MCHR2: variants seen among roughly 807,000 people sequenced by gnomAD.
MCHR2 encodes the protein melanin concentrating hormone receptor 2.
In MCHR2, 15 loss-of-function variants were observed where a neutral mutation model predicts 24.8. The observed-to-expected ratio is 0.60, with a 90% CI of 0.40 to 0.93. The LOEUF is 0.93. MCHR2 is among the 40% of genes least tolerant of loss of function. MCHR2 has a pLI of 0.00. For synonymous variants in MCHR2, 151 were observed against 147.6 expected, an observed-to-expected ratio of 1.02 and a Z score of -0.17; for missense variants, 386 against 408.7, an observed-to-expected ratio of 0.94 and a Z score of 0.48.
rs541808130 is a variant in MCHR2 at position 99,984,366 on chromosome 6, A to C, written c.-28+9570T>G. On this transcript the variant is annotated intron_variant, in intron 1 of 5. Coordinates refer to ENST00000281806, the MANE Select transcript of MCHR2 (RefSeq NM_001040179.2). ...TGCTGGTGTGCTGCACCCATTAACT[A>C]GTCATTTAGCATTAGGTATATCTCC... 1.2e-4 allele frequency among the ~76,000 whole-genome samples: 18 copies of C among 152,008 alleles called. 1 individual carries two copies. The highest frequency in any genetic ancestry group is 6.6e-4 in the Admixed American group (10 of 15,258).
Position 99,956,274 on chromosome 6 carries a change from C to G in MCHR2, c.-27-100G>C. On this transcript the variant is annotated intron_variant, in intron 1 of 5. Coordinates refer to ENST00000281806, the MANE Select transcript of MCHR2 (RefSeq NM_001040179.2). ...ATTTTTTGGAACCTCTTTTTTAAAA[C>G]CAAGATTCCATGGAACACAGGATCC... 3 of 803,822 alleles carry G rather than the reference C, an allele frequency of 3.7e-6. No individual in the cohort carries two copies. In the South Asian group the frequency reaches 6.4e-5, roughly 17 times the overall value. The allele number at this position is 803,822 out of a possible 1,614,324, so 49.8% of individuals were successfully genotyped here.
chr6:99,991,496 T>A (rs967416900), intron 1 of MCHR2, among the ~76,000 whole-genome samples: 11 of 151,974 alleles, frequency 7.2e-5, no homozygotes, highest in African/African-American at 2.4e-4. Context: ...ATAGTTATCG[T>A]GAGGATTTAA....
intron 1 of MCHR2, among the ~76,000 whole-genome samples, chr6:99,984,275 T>G (rs1775729738): frequency 6.6e-6 from 1 of 151,724 alleles, no homozygotes; most frequent in Non-Finnish European, 1.5e-5. Flanking sequence ...TCTTTATTAT[T>G]ATACTTTAAG....
chr6:99,940,827 G>T (rs774313639), intron 4 of MCHR2, among the ~76,000 whole-genome samples: 1 of 152,142 alleles, frequency 6.6e-6, no homozygotes, highest in Non-Finnish European at 1.5e-5. Context: ...CTGAATGGGG[G>T]AAGTCCCAAA....
chr6:99,924,788 G>C (rs1484551857), intron 5 of MCHR2, among the ~76,000 whole-genome samples: 1 of 151,958 alleles, frequency 6.6e-6, no homozygotes, highest in Non-Finnish European at 1.5e-5. Flanking sequence ...TCAATTATTT[G>C]AATTTTTAAA....
chr6:99,970,472 T>G (rs1431338598), intron 1 of MCHR2, among the ~76,000 whole-genome samples: 11 of 152,306 alleles, frequency 7.2e-5, no homozygotes, highest in South Asian at 2.1e-4. Context: ...CCCTTTGTCA[T>G]ATGAGTAGGG....
intron 5 of MCHR2, among the ~76,000 whole-genome samples, chr6:99,933,387 A>G (rs1309724035): frequency 2.0e-5 from 3 of 152,140 alleles, no homozygotes; most frequent in African/African-American, 7.2e-5. Flanking sequence ...TTAATATTCC[A>G]TATGATTTCA....
intron 2 of MCHR2, among the ~76,000 whole-genome samples, chr6:99,952,828 A>G (rs1379468941): frequency 6.6e-6 from 1 of 152,212 alleles, no homozygotes; most frequent in Non-Finnish European, 1.5e-5. Context: ...TGTTTTAATT[A>G]AAAGTTGTTC....
intron 2 of MCHR2, among the ~76,000 whole-genome samples, chr6:99,955,221 G>C (rs1775036628): frequency 6.6e-6 from 1 of 152,134 alleles, no homozygotes; most frequent in African/African-American, 2.4e-5. Context: ...TAGCTATAGG[G>C]CTAGTGTGCA....
At chr6:99,981,304 T>C (rs1775665616) in intron 1 of MCHR2, among the ~76,000 whole-genome samples, 1 of 152,216 alleles carries the variant, frequency 6.6e-6, no homozygotes. Flanking sequence ...AATTGACTGG[T>C]ACTTTTCTGC....
Position 99,920,549 on chromosome 6 carries a change from C to T in MCHR2, c.*391G>A, listed in dbSNP as rs200038508. ...TTTAGACTTCACTCTAAGGTGATACCCTCCTAGGAACCTTGAGGAAACTGT... is the reference window on the plus strand; with the variant it reads ...TTTAGACTTCACTCTAAGGTGATACTCTCCTAGGAACCTTGAGGAAACTGT... On this transcript the variant is annotated 3_prime_UTR_variant, in exon 6 of 6. Transcript: ENST00000281806. 1 of 181,366 alleles carries T rather than the reference C, an allele frequency of 5.5e-6. No individual in the cohort carries two copies. Among genetic ancestry groups the T allele is most frequent in the Non-Finnish European group, 1.2e-5 (1 of 85,092 alleles). 11.2% of individuals were successfully genotyped at this position (181,366 alleles called of 1,614,324 possible).
intron 5 of MCHR2, among the ~76,000 whole-genome samples, chr6:99,925,025 G>A (rs1774320324): frequency 6.6e-6 from 1 of 151,986 alleles, no homozygotes; most frequent in African/African-American, 2.4e-5. Flanking sequence ...CTATTATATT[G>A]GGGCCTATCT....
chr6:99,991,103 C>G (rs1233668695), intron 1 of MCHR2, among the ~76,000 whole-genome samples: 1 of 151,692 alleles, frequency 6.6e-6, no homozygotes, highest in Non-Finnish European at 1.5e-5. Flanking sequence ...TAGCATCGAA[C>G]AGTTTGGGGT....
intron 1 of MCHR2, among the ~76,000 whole-genome samples, chr6:99,979,836 AG>A (rs1775630068): frequency 6.6e-6 from 1 of 152,260 alleles, no homozygotes; most frequent in East Asian, 1.9e-4. Context: ...ATCCCTTTTA[AG>A]AATTCCACGA....
In MCHR2 at chr6:99,919,432, G is replaced by T. The variant is rs1774181001; in HGVS notation, c.*1508C>A. ...ATAAAAATGGTTAACTCTTTTTCTAGAAGGGGCTGGTTGAAAATTGGTTTC... is the reference window on the plus strand; with the variant it reads ...ATAAAAATGGTTAACTCTTTTTCTATAAGGGGCTGGTTGAAAATTGGTTTC... On this transcript the variant is annotated 3_prime_UTR_variant, in exon 6 of 6. Transcript: ENST00000281806. Among the ~76,000 whole-genome samples the T allele has an allele frequency of 6.6e-6, 1 of 152,140 alleles. No individual in the cohort carries two copies. The highest frequency in any genetic ancestry group is 6.5e-5 in the Admixed American group (1 of 15,282).
rs567299873 is a variant in MCHR2 at position 99,932,208 on chromosome 6, C to T, written c.707+2190G>A. Among the ~76,000 whole-genome samples the T allele has an allele frequency of 3.3e-5, 5 of 152,102 alleles. No homozygotes were observed. The East Asian group carries it at 9.7e-4, about 29-fold the overall frequency. On this transcript the variant is annotated intron_variant, in intron 5 of 5. Coordinates refer to ENST00000281806, the MANE Select transcript of MCHR2 (RefSeq NM_001040179.2). ...CCACTCTCTCCTGGCATGTAAAGTT[C>T]AAAGCTGGAACATTTTGAGAGACCA...
chr6:99,958,463 T>G (rs1372135027), intron 1 of MCHR2, among the ~76,000 whole-genome samples: 1 of 152,134 alleles, frequency 6.6e-6, no homozygotes. Flanking sequence ...AGAGTATCTT[T>G]AGGTCCTTGG....
chr6:99,990,795 C>T (rs1419075353), intron 1 of MCHR2, among the ~76,000 whole-genome samples: 1 of 151,588 alleles, frequency 6.6e-6, no homozygotes, highest in African/African-American at 2.4e-5. Context: ...TCCTGCCCTT[C>T]ACCAAGACAG....
chr6:99,920,780 A>T lies in MCHR2; in HGVS notation c.*160T>A. 1 of 692,228 alleles carries T rather than the reference A, an allele frequency of 1.4e-6. No homozygotes were observed. Among genetic ancestry groups the T allele is most frequent in the Non-Finnish European group, 2.4e-6 (1 of 410,282 alleles). 42.9% of individuals were successfully genotyped at this position (692,228 alleles called of 1,614,324 possible). A position where few individuals can be genotyped will look rare whatever the true frequency, so the allele number is the denominator to read the frequency against. On this transcript the variant is annotated 3_prime_UTR_variant, in exon 6 of 6. Coordinates refer to ENST00000281806, the MANE Select transcript of MCHR2 (RefSeq NM_001040179.2). ...TACATCTTGCTAAAGTTAGCATATT[A>T]AGCTCATTGTATTTGCATGGTTACA...
Sources: allele counts gnomAD v4.1 joint callset (sites outside exome capture counted in the v4.1 genomes callset), GRCh38; gene constraint gnomAD v4.1.1; transcripts MANE v1.5; gene names NCBI Gene and HGNC (gene_info 2026-07-23, HGNC 2026-07-21).